The following KLF8 variants were observed in gnomAD, a reference collection of about 807,000 sequenced individuals.
The protein encoded by KLF8 is KLF transcription factor 8, also known as Krueppel-like factor 8.
Under a neutral mutation model 18.2 loss-of-function variants are expected in KLF8, and 10 were observed. The ratio of observed to expected loss-of-function variants is 0.55; its 90% CI spans 0.34 to 0.93. KLF8 has a LOEUF of 0.93. KLF8 is among the 40% of genes least tolerant of loss of function. The pLI is 0.02. For synonymous variants in KLF8, 109 were observed against 97.3 expected (o/e 1.12, Z -0.71); for missense variants, 264 against 277.9 (o/e 0.95, Z 0.36).
At chrX:56,266,492 A>G in intron 3 of KLF8, 6 of 749,804 alleles carry the variant, frequency 8.0e-6, no homozygotes, top group Non-Finnish European at 7.9e-6. Context: ...TTGTCTTGCA[A>G]CAGATAATTT....
the KLF8 span, among the ~76,000 whole-genome samples, chrX:56,095,313 A>T: frequency 3.6e-5 from 4 of 112,615 alleles, no homozygotes; most frequent in African/African-American, 1.3e-4. Flanking sequence ...CCATATACAA[A>T]AACTAACTCA....
the KLF8 span, among the ~76,000 whole-genome samples, chrX:56,189,597 A>G: frequency 5.3e-4 from 59 of 111,036 alleles, no homozygotes; most frequent in Admixed American, 5.0e-3. Flanking sequence ...ATTATTCACA[A>G]TAGCAAAGTC....
chrX:56,130,647 C>T, the KLF8 span, among the ~76,000 whole-genome samples: 1 of 111,116 alleles, frequency 9.0e-6, no homozygotes, highest in Non-Finnish European at 1.9e-5. Flanking sequence ...TGGATCCAAG[C>T]CAAGAAAAAA....
the KLF8 span, among the ~76,000 whole-genome samples, chrX:55,935,366 T>G: frequency 2.7e-5 from 3 of 111,848 alleles, no homozygotes; most frequent in Non-Finnish European, 3.8e-5. Flanking sequence ...TTGTTAGAAA[T>G]GTGTGATCTC....
the KLF8 span, among the ~76,000 whole-genome samples, chrX:55,997,482 C>T: frequency 2.7e-5 from 3 of 111,708 alleles, no homozygotes; most frequent in Non-Finnish European, 3.8e-5. Context: ...GCTCATTTAA[C>T]TCATCCTTTC....
chrX:55,916,438 C>G, the KLF8 span, among the ~76,000 whole-genome samples: 1 of 111,806 alleles, frequency 8.9e-6, no homozygotes, highest in African/African-American at 3.2e-5. Context: ...ATTCCTACTA[C>G]TGTATAAAGC....
chrX:56,048,417 T>G, the KLF8 span, among the ~76,000 whole-genome samples: 8 of 112,218 alleles, frequency 7.1e-5, no homozygotes, highest in African/African-American at 2.6e-4. Context: ...CATGTAAGTC[T>G]TTAATCCATC....
At chrX:56,245,641 G>A (rs967810398) in intron 1 of KLF8, among the ~76,000 whole-genome samples, 3 of 112,056 alleles carry the variant, frequency 2.7e-5, no homozygotes, top group African/African-American at 9.7e-5. Flanking sequence ...GGCTTGAAGA[G>A]CCAATCCAAG....
At chrX:56,081,493 C>G in the KLF8 span, among the ~76,000 whole-genome samples, 1 of 111,879 alleles carries the variant, frequency 8.9e-6, no homozygotes, top group African/African-American at 3.2e-5. Context: ...CTAATTGCTC[C>G]AGCTAAAACT....
At chrX:56,094,326 C>T in the KLF8 span, among the ~76,000 whole-genome samples, 1 of 110,783 alleles carries the variant, frequency 9.0e-6, no homozygotes, top group African/African-American at 3.3e-5. Context: ...TTAATTTTAG[C>T]CAAAGCAAAT....
the KLF8 span, among the ~76,000 whole-genome samples, chrX:55,922,602 A>G: frequency 8.9e-6 from 1 of 112,482 alleles, no homozygotes; most frequent in South Asian, 3.7e-4. Flanking sequence ...TCCTGCACAC[A>G]TATCCTGGAA....
chrX:56,214,710 C>A, the KLF8 span, among the ~76,000 whole-genome samples: 4 of 112,333 alleles, frequency 3.6e-5, no homozygotes, highest in Non-Finnish European at 7.5e-5. Flanking sequence ...AGTTGTGGTA[C>A]TTTGTTATGT....
chrX:56,023,325 T>C, the KLF8 span, among the ~76,000 whole-genome samples: 3 of 111,753 alleles, frequency 2.7e-5, no homozygotes, highest in Non-Finnish European at 5.6e-5. Flanking sequence ...AGTAATTATA[T>C]TGAGTTTAAA....
chrX:56,094,492 A>G, the KLF8 span, among the ~76,000 whole-genome samples: 2 of 111,587 alleles, frequency 1.8e-5, no homozygotes, highest in African/African-American at 6.5e-5. Flanking sequence ...CAAGAAAAAT[A>G]AATAAAGTAA....
the KLF8 span, among the ~76,000 whole-genome samples, chrX:55,932,928 A>C: frequency 9.0e-6 from 1 of 111,596 alleles, no homozygotes; most frequent in South Asian, 3.7e-4. Context: ...CAAGTCACTA[A>C]GTGCACCCTA....
the KLF8 span, among the ~76,000 whole-genome samples, chrX:56,047,420 C>A: frequency 9.8e-6 from 1 of 102,119 alleles, no homozygotes; most frequent in Admixed American, 1.1e-4. Flanking sequence ...TCCCCCCTCC[C>A]CCACCTCACA....
chrX:56,168,144 A>G, the KLF8 span, among the ~76,000 whole-genome samples: 4 of 112,054 alleles, frequency 3.6e-5, no homozygotes, highest in East Asian at 1.1e-3. Context: ...TAATGTCACA[A>G]TTTTAGGCAA....
chrX:56,061,986 C>CTTTTTTTTTTTTTTTTTTTTTTT, the KLF8 span, among the ~76,000 whole-genome samples: 54 of 57,107 alleles, frequency 9.5e-4, 3 homozygotes, highest in African/African-American at 3.6e-3. Flanking sequence ...GCAACCCCTG[C>CTTTTTTTTTTTTTTTTTTTTTTT]TTTTTTTTTT....
At chrX:56,107,592 T>TGG in the KLF8 span, among the ~76,000 whole-genome samples, 5 of 111,729 alleles carry the variant, frequency 4.5e-5, no homozygotes, top group African/African-American at 1.6e-4. Context: ...AGTATTTGGA[T>TGG]GGGAGTTTCC....
Sources: allele counts gnomAD v4.1 joint callset (sites outside exome capture counted in the v4.1 genomes callset), GRCh38; gene constraint gnomAD v4.1.1; transcripts MANE v1.5; gene names NCBI Gene and HGNC (gene_info 2026-07-23, HGNC 2026-07-21).